FLVCR2: variants seen among roughly 807,000 people sequenced by gnomAD.
FLVCR2 encodes choline/ethanolamine transporter FLVCR2.
Under a neutral mutation model 48.9 loss-of-function variants are expected in FLVCR2, and 38 were observed. The ratio of observed to expected loss-of-function variants is 0.78; its 90% confidence interval spans 0.60 to 1.02. The LOEUF is 1.02. FLVCR2 is among the 50% of genes least tolerant of loss of function. FLVCR2 has a pLI of 0.00. For synonymous variants in FLVCR2, 255 were observed against 257.0 expected (o/e 0.99, Z 0.07); for missense variants, 664 against 663.3 (o/e 1.00, Z -0.01).
rs1175665640 is a variant in FLVCR2, at chr14:75,633,554, A to G, written c.953-75A>G. 5 of 1,180,806 alleles carry G rather than the reference A, an allele frequency of 4.2e-6. No individual in the cohort carries two copies. The African/African-American group carries it at 7.5e-5, about 18-fold the overall frequency. 73.1% of individuals were successfully genotyped at this position (1,180,806 alleles called of 1,614,324 possible). Reference sequence around the variant, plus strand: ...ATGAGGATTTCTGCCCACCCCCCAAATGCTGGGGGAGAAGTTAGCAATGGC... The same window carrying G: ...ATGAGGATTTCTGCCCACCCCCCAAGTGCTGGGGGAGAAGTTAGCAATGGC... On this transcript the variant is annotated intron_variant, in intron 3 of 9. Transcript: ENST00000238667.
intron 1 of FLVCR2, among the ~76,000 whole-genome samples, chr14:75,580,288 G>A (rs758743278): frequency 6.6e-6 from 1 of 152,234 alleles, no homozygotes; most frequent in Non-Finnish European, 1.5e-5. Context: ...TTATTGGAAG[G>A]AGAAGCTCAA....
chr14:75,624,300 T>C (rs1270665746), intron 2 of FLVCR2, among the ~76,000 whole-genome samples: 2 of 150,298 alleles, frequency 1.3e-5, no homozygotes, highest in Admixed American at 6.6e-5. Context: ...GAGGTGGAGG[T>C]TGCAGTAAGC....
intron 1 of FLVCR2, among the ~76,000 whole-genome samples, chr14:75,606,214 A>T (rs1401304049): frequency 1.3e-5 from 2 of 151,892 alleles, no homozygotes; most frequent in African/African-American, 4.8e-5. Flanking sequence ...TTTTGTAGAG[A>T]TGGGGTTTTG....
chr14:75,579,123 A>T lies in FLVCR2; in HGVS notation c.151A>T (p.Ser51Cys), dbSNP rs1888528798. ...INPSVSVHPS[S>C]SAHPSALAQP... is the part of the protein sequence containing the mutation. ...CCCCAGCGTCTCTGTCCACCCCAGC[A>T]GTTCGGCCCACCCCAGTGCCTTAGC... is the stretch of plus-strand genomic sequence containing the variant. The change falls in exon 1 of 10, where the codon AGT (serine) becomes TGT (cysteine). Residue 51 changes from serine to cysteine, a missense_variant. Transcript: ENST00000238667. 1.9e-6 allele frequency: 3 copies of T among 1,614,004 alleles called. No homozygotes were observed. The highest frequency in any genetic ancestry group is 2.5e-6 in the Non-Finnish European group (3 of 1,179,952).
chr14:75,602,924 C>T (rs1196557241), intron 1 of FLVCR2, among the ~76,000 whole-genome samples: 1 of 152,220 alleles, frequency 6.6e-6, no homozygotes, highest in Non-Finnish European at 1.5e-5. Flanking sequence ...CCCTGCTGCC[C>T]TCATCCACAT....
chr14:75,620,845 T>C (rs1331290163), intron 1 of FLVCR2, among the ~76,000 whole-genome samples: 1 of 152,168 alleles, frequency 6.6e-6, no homozygotes, highest in Non-Finnish European at 1.5e-5. Flanking sequence ...AGATTGGCAG[T>C]TGATGGATGA....
Position 75,600,214 on chromosome 14 carries a change from C to T in FLVCR2, c.669+20573C>T, listed in dbSNP as rs1889129724. 2.0e-5 allele frequency among the ~76,000 whole-genome samples: 3 copies of T among 152,158 alleles called. No homozygotes were observed. The South Asian group carries it at 6.2e-4, about 32-fold the overall frequency. ...ATTAGCATGTTAAAAGACACTCCCACCAGGACCATGACAGTTTACAAATGC... is the reference window on the plus strand; with the variant it reads ...ATTAGCATGTTAAAAGACACTCCCATCAGGACCATGACAGTTTACAAATGC... On this transcript the variant is annotated intron_variant, in intron 1 of 9. Transcript: ENST00000238667.
chr14:75,630,317 AC>A (rs1028416329), intron 3 of FLVCR2, among the ~76,000 whole-genome samples: 6 of 151,932 alleles, frequency 3.9e-5, no homozygotes, highest in African/African-American at 1.5e-4. Context: ...CTCCATGTTA[AC>A]CCCACCACCT....
At chr14:75,641,761 T>G in intron 8 of FLVCR2, 82 bp from the exon 9 acceptor site, 1 of 1,300,616 alleles carries the variant, frequency 7.7e-7, no homozygotes, top group Non-Finnish European at 1.1e-6. Flanking sequence ...CCTGTGACCC[T>G]TAGGAAATGA....
chr14:75,589,935 G>T (rs183098723), intron 1 of FLVCR2, among the ~76,000 whole-genome samples: 2 of 152,296 alleles, frequency 1.3e-5, no homozygotes, highest in East Asian at 1.9e-4. Flanking sequence ...GAGGTCCCAC[G>T]GTGACTATCT....
chr14:75,647,783 C>G lies in FLVCR2; in HGVS notation c.*1311C>G, dbSNP rs572642811. On this transcript the variant is annotated 3_prime_UTR_variant, in exon 10 of 10. Coordinates refer to ENST00000238667, the MANE Select transcript of FLVCR2 (RefSeq NM_017791.3). ...TGACCACTGTGCTGTCTTGCTCCAG[C>G]CACTGCCCTGGCCTCAGCATATCAG... 1 of 152,688 alleles carries G rather than the reference C, an allele frequency of 6.5e-6. No homozygotes were observed. The highest frequency in any genetic ancestry group is 2.4e-5 in the African/African-American group (1 of 41,452). 9.5% of individuals were successfully genotyped at this position (152,688 alleles called of 1,614,324 possible).
At chr14:75,637,041 T>C (rs1890181486) in intron 5 of FLVCR2, among the ~76,000 whole-genome samples, 1 of 152,156 alleles carries the variant, frequency 6.6e-6, no homozygotes, top group African/African-American at 2.4e-5. Context: ...AAGCACCAGG[T>C]GGGAGCAGCA....
intron 5 of FLVCR2, 28 bp from the exon 6 acceptor site, chr14:75,639,324 G>T: frequency 7.1e-7 from 1 of 1,415,840 alleles, no homozygotes; most frequent in South Asian, 1.2e-5. Flanking sequence ...AGAAGTGTTT[G>T]ATTCAATTTC....
At chr14:75,600,448 T>C (rs557478046) in intron 1 of FLVCR2, among the ~76,000 whole-genome samples, 1 of 152,354 alleles carries the variant, frequency 6.6e-6, no homozygotes, top group East Asian at 1.9e-4. Context: ...TTTACTTTCT[T>C]AATAAACTTG....
intron 1 of FLVCR2, among the ~76,000 whole-genome samples, chr14:75,600,847 T>G (rs1889146450): frequency 6.6e-6 from 1 of 151,654 alleles, no homozygotes. Flanking sequence ...ATTTCTAGAA[T>G]GTGTAAAGAA....
chr14:75,646,611 T>G lies in FLVCR2; in HGVS notation c.*139T>G. ...GACTATTTGTGGCATGGATGGCCTATTCCTCCTAGAACCCACGTAAGAGCT... is the reference window on the plus strand; with the variant it reads ...GACTATTTGTGGCATGGATGGCCTAGTCCTCCTAGAACCCACGTAAGAGCT... On this transcript the variant is annotated 3_prime_UTR_variant, in exon 10 of 10. Coordinates refer to ENST00000238667, the MANE Select transcript of FLVCR2 (RefSeq NM_017791.3). 1.4e-6 allele frequency: 1 copy of G among 717,434 alleles called. No individual in the cohort carries two copies. Among genetic ancestry groups the G allele is most frequent in the Non-Finnish European group, 2.6e-6 (1 of 390,074 alleles). The allele number at this position is 717,434 out of a possible 1,614,324, so 44.4% of individuals were successfully genotyped here.
chr14:75,579,546 G>A lies in FLVCR2; in HGVS notation c.574G>A (p.Val192Ile), dbSNP rs1306585397. Residue 192 changes from valine to isoleucine, a missense_variant, in exon 1 of 10, where the codon GTT becomes ATT. Transcript: ENST00000238667. Reference sequence around the variant, plus strand: ...CCAGCTCATCTGCTCTGTGGCCCAGGTTTTCATCCTGGGCATGCCCTCCCG... The same window carrying A: ...CCAGCTCATCTGCTCTGTGGCCCAGATTTTCATCCTGGGCATGCCCTCCCG... ...VGQLICSVAQ[V>I]FILGMPSRIA... The A allele has an allele frequency of 5.0e-6, 8 of 1,613,740 alleles. No individual in the cohort carries two copies. The East Asian group carries it at 1.3e-4, about 27-fold the overall frequency.
intron 9 of FLVCR2, 148 bp downstream of exon 9, chr14:75,642,046 T>A (rs1368890503): frequency 2.8e-6 from 2 of 725,682 alleles, no homozygotes; most frequent in Non-Finnish European, 4.9e-6. Context: ...CATGGCATCC[T>A]AAGACTTTCC....
intron 1 of FLVCR2, among the ~76,000 whole-genome samples, chr14:75,603,301 C>T (rs1889209518): frequency 6.6e-6 from 1 of 152,184 alleles, no homozygotes; most frequent in Non-Finnish European, 1.5e-5. Flanking sequence ...GCCTTAAAAC[C>T]CCCAGGCTCT....
Sources: allele counts gnomAD v4.1 joint callset (sites outside exome capture counted in the v4.1 genomes callset), GRCh38; gene constraint gnomAD v4.1.1; transcripts MANE v1.5; gene names NCBI Gene and HGNC (gene_info 2026-07-23, HGNC 2026-07-21).